The following FGF14 variants were observed in gnomAD, a reference collection of about 807,000 sequenced individuals.
FGF14 encodes the protein fibroblast growth factor homologous factor 4.
A neutral mutation model predicts 25.5 loss-of-function variants in FGF14; 5 were observed. That is an observed-to-expected ratio of 0.20 (90% CI 0.10 to 0.41). The LOEUF (loss-of-function observed/expected upper bound fraction) is 0.41. Ranked by LOEUF, FGF14 falls within the 10% of genes least tolerant of loss-of-function variation. The pLI is 1.00. For synonymous variants in FGF14, 138 were observed against 118.3 expected (o/e 1.17, Z -1.08); for missense variants, 222 against 320.1 (o/e 0.69, Z 2.34).
At chr13:101,731,553 T>C (rs1262514038) in intron 3 of FGF14, among the ~76,000 whole-genome samples, 1 of 152,222 alleles carries the variant, frequency 6.6e-6, no homozygotes, top group South Asian at 2.1e-4. Context: ...GGTGTACTTA[T>C]TATCTTAACA....
chr13:102,100,734 T>G (rs1035650067), intron 1 of FGF14, among the ~76,000 whole-genome samples: 2 of 152,248 alleles, frequency 1.3e-5, no homozygotes, highest in Non-Finnish European at 2.9e-5. Context: ...CATTCATTTG[T>G]TACATTCTGC....
In FGF14 at chr13:102,057,901, A is replaced by G. The variant is rs17688520; in HGVS notation, c.209-182605T>C. Among the ~76,000 whole-genome samples, 696 of 152,290 alleles carry G rather than the reference A, an allele frequency of 4.6e-3. 9 individuals are homozygous for G. Among genetic ancestry groups the G allele is most frequent in the East Asian group, 0.029 (149 of 5,186 alleles). On this transcript the variant is annotated intron_variant, in intron 1 of 4. Transcript: ENST00000376131. Reference sequence around the variant, plus strand: ...TCTCCAAGTGCTGAATGTTGGGATCACTTTCCATCACTAAGCATACTTTGT... The same window carrying G: ...TCTCCAAGTGCTGAATGTTGGGATCGCTTTCCATCACTAAGCATACTTTGT...
chr13:102,391,937 G>T (rs2058442286), intron 1 of FGF14, among the ~76,000 whole-genome samples: 1 of 152,140 alleles, frequency 6.6e-6, no homozygotes, highest in African/African-American at 2.4e-5. Context: ...AGTGGCTGTT[G>T]AAACAAAAAG....
rs1001176751 is a variant in FGF14 at position 101,993,755 on chromosome 13, T to C, written c.209-118459A>G. On this transcript the variant is annotated intron_variant, in intron 1 of 4. Transcript: ENST00000376131. ...AATGGGATTATATAGGATGCTCAATTAGAACCAGAGAAGGCAAAAAAATGG... is the reference window on the plus strand; with the variant it reads ...AATGGGATTATATAGGATGCTCAATCAGAACCAGAGAAGGCAAAAAAATGG... Among the ~76,000 whole-genome samples the C allele has an allele frequency of 4.0e-5, 6 of 151,810 alleles. No homozygotes were observed. The East Asian group carries it at 1.2e-3, about 29-fold the overall frequency.
Position 101,941,567 on chromosome 13 carries a change from C to T in FGF14, c.209-66271G>A, listed in dbSNP as rs76978933. On this transcript the variant is annotated intron_variant, in intron 1 of 4. Coordinates refer to the FGF14 transcript ENST00000376131. ...ACTCCTGAGAGTTCCATTTCCTGGG[C>T]CCTCTGCTGCCTGTTTTTGGCATTG... Among the ~76,000 whole-genome samples, 169 of 152,256 alleles carry T rather than the reference C, an allele frequency of 1.1e-3. No individual in the cohort carries two copies. In the East Asian group the frequency reaches 0.017, roughly 15 times the overall value.
At chr13:102,314,039 A>G (rs2055900153) in intron 1 of FGF14, among the ~76,000 whole-genome samples, 1 of 152,192 alleles carries the variant, frequency 6.6e-6, no homozygotes, top group South Asian at 2.1e-4. Flanking sequence ...TCCACTTAAG[A>G]AAATGCACCT....
intron 1 of FGF14, among the ~76,000 whole-genome samples, chr13:102,248,981 A>C (rs1160787093): frequency 1.3e-5 from 2 of 152,166 alleles, no homozygotes; most frequent in African/African-American, 4.8e-5. Context: ...TGATAGACTA[A>C]GGAAGTGCAG....
chr13:101,960,415 G>C (rs749092648), intron 1 of FGF14, among the ~76,000 whole-genome samples: 7 of 152,168 alleles, frequency 4.6e-5, no homozygotes, highest in Non-Finnish European at 7.3e-5. Flanking sequence ...GTGTCCACAT[G>C]TTCTCATTGT....
chr13:101,772,904 A>C (rs1022595218), intron 3 of FGF14, among the ~76,000 whole-genome samples: 1 of 152,142 alleles, frequency 6.6e-6, no homozygotes, highest in African/African-American at 2.4e-5. Flanking sequence ...ATTTTTAATC[A>C]TTTATTTGGC....
intron 3 of FGF14, among the ~76,000 whole-genome samples, chr13:101,760,552 T>C (rs1344001289): frequency 6.6e-6 from 1 of 152,180 alleles, no homozygotes; most frequent in Admixed American, 6.6e-5. Context: ...GCTGTTCCCT[T>C]GATCAAAAGC....
chr13:101,744,878 A>G (rs1393878658), intron 3 of FGF14, among the ~76,000 whole-genome samples: 3 of 152,030 alleles, frequency 2.0e-5, no homozygotes, highest in Non-Finnish European at 4.4e-5. Flanking sequence ...TTTGGGGTTC[A>G]TGAATAATCA....
In FGF14 at chr13:101,944,533, A is replaced by AT. The variant is rs2035683149; in HGVS notation, c.209-69238dup. ...GCCAATCCCTGAGTTGGACTATCAA[A>AT]TACGTATTAAAGATTAAAACTTAAT... On this transcript the variant is annotated intron_variant, in intron 1 of 4. Transcript: ENST00000376131. Among the ~76,000 whole-genome samples the AT allele has an allele frequency of 7.2e-5, 11 of 152,334 alleles. No homozygotes were observed. In the South Asian group the frequency reaches 2.3e-3, roughly 32 times the overall value.
intron 1 of FGF14, among the ~76,000 whole-genome samples, chr13:102,116,528 G>A (rs1197776690): frequency 6.6e-6 from 1 of 152,026 alleles, no homozygotes; most frequent in East Asian, 1.9e-4. Flanking sequence ...AACATAGATG[G>A]GTCTTGAAAA....
At chr13:102,193,955 C>T (rs572846219) in intron 1 of FGF14, among the ~76,000 whole-genome samples, 17 of 152,002 alleles carry the variant, frequency 1.1e-4, no homozygotes, top group African/African-American at 4.1e-4. Flanking sequence ...AATTCCTAGT[C>T]AAAAATTTGA....
chr13:102,047,829 T>TA (rs535181398), intron 1 of FGF14, among the ~76,000 whole-genome samples: 12 of 151,926 alleles, frequency 7.9e-5, no homozygotes, highest in South Asian at 2.1e-4. Flanking sequence ...TAAAGTATAA[T>TA]AAAAAAAATC....
chr13:102,135,413 C>T (rs573897912), intron 1 of FGF14, among the ~76,000 whole-genome samples: 3 of 152,108 alleles, frequency 2.0e-5, no homozygotes, highest in Non-Finnish European at 2.9e-5. Context: ...TTAGTTTCTA[C>T]AAGCCATACG....
At chr13:101,762,068 G>T (rs781334482) in intron 3 of FGF14, among the ~76,000 whole-genome samples, 1 of 152,164 alleles carries the variant, frequency 6.6e-6, no homozygotes, top group East Asian at 1.9e-4. Flanking sequence ...GTGCTGTGCT[G>T]TGAGTAGCCT....
intron 3 of FGF14, among the ~76,000 whole-genome samples, chr13:101,830,643 A>T (rs2042624418): frequency 6.6e-6 from 1 of 152,042 alleles, no homozygotes; most frequent in Non-Finnish European, 1.5e-5. Flanking sequence ...CCTAATTTTT[A>T]GGAAATTTCT....
intron 1 of FGF14, among the ~76,000 whole-genome samples, chr13:102,140,220 T>C (rs1325533149): frequency 6.6e-6 from 1 of 152,158 alleles, no homozygotes; most frequent in Non-Finnish European, 1.5e-5. Context: ...TTCAAAAAAG[T>C]TGTAAAAGTT....
Sources: allele counts gnomAD v4.1 joint callset (sites outside exome capture counted in the v4.1 genomes callset), GRCh38; gene constraint gnomAD v4.1.1; transcripts MANE v1.5; gene names NCBI Gene and HGNC (gene_info 2026-07-23, HGNC 2026-07-21).